PTPRK: variants seen among roughly 807,000 people sequenced by gnomAD.
PTPRK encodes the protein protein tyrosine phosphatase receptor type K, also known as receptor-type tyrosine-protein phosphatase kappa.
PTPRK carries 75 observed loss-of-function variants against 178.0 expected under a neutral mutation model. The ratio of observed to expected loss-of-function variants is 0.42; its 90% CI spans 0.35 to 0.51. PTPRK has a LOEUF of 0.51. Ranked by LOEUF, PTPRK falls within the 20% of genes least tolerant of loss-of-function variation. The probability of loss-of-function intolerance (pLI) is 0.02; values close to 1 mark genes in which losing one functional copy is unlikely to be tolerated. For synonymous variants in PTPRK, 637 were observed against 620.6 expected, an observed-to-expected ratio of 1.03 and a Z score of -0.39; for missense variants, 1,441 against 1,797.8, an observed-to-expected ratio of 0.80 and a Z score of 3.59.
chr6:127,981,542 C>G (rs1007205061), intron 24 of PTPRK, among the ~76,000 whole-genome samples: 1 of 152,162 alleles, frequency 6.6e-6, no homozygotes, highest in Non-Finnish European at 1.5e-5. Context: ...AACACTGCTA[C>G]CTGCAAAATG....
intron 2 of PTPRK, among the ~76,000 whole-genome samples, chr6:128,382,562 C>G (rs886591978): frequency 1.1e-4 from 17 of 151,848 alleles, no homozygotes; most frequent in African/African-American, 3.9e-4. Context: ...CACGCACCAC[C>G]ATGCCTGGCT....
intron 1 of PTPRK, among the ~76,000 whole-genome samples, chr6:128,428,601 T>C (rs79574300): frequency 0.052 from 7,957 of 152,138 alleles, 261 homozygotes; most frequent in Middle Eastern, 0.082. Flanking sequence ...CTGTGGTAAA[T>C]AGTCATTCCA....
At chr6:128,361,431 T>C (rs1304104594) in intron 2 of PTPRK, among the ~76,000 whole-genome samples, 1 of 152,218 alleles carries the variant, frequency 6.6e-6, no homozygotes. Flanking sequence ...CTTTAAATTA[T>C]AAAATGTATA....
chr6:128,468,096 T>A (rs1002632638), intron 1 of PTPRK, among the ~76,000 whole-genome samples: 5 of 152,216 alleles, frequency 3.3e-5, no homozygotes, highest in Non-Finnish European at 1.5e-5. Flanking sequence ...ATCCTGCGTC[T>A]AACATCTCGC....
At chr6:128,186,714 T>A (rs892630491) in intron 6 of PTPRK, among the ~76,000 whole-genome samples, 24 of 152,128 alleles carry the variant, frequency 1.6e-4, no homozygotes, top group Non-Finnish European at 5.9e-5. Context: ...ACCATGAAAT[T>A]TTACCAACTG....
chr6:128,241,096 G>T (rs1027416741), intron 4 of PTPRK: 8 of 387,136 alleles, frequency 2.1e-5, no homozygotes, highest in Admixed American at 1.5e-4. Context: ...CAGATTGAAA[G>T]AACTTAGTAA....
intron 3 of PTPRK, among the ~76,000 whole-genome samples, chr6:128,304,534 T>C (rs907570881): frequency 2.6e-5 from 4 of 152,230 alleles, no homozygotes; most frequent in African/African-American, 9.6e-5. Context: ...ACCCTTTCTG[T>C]GTGTGATATG....
At chr6:128,031,928 C>T (rs948855086) in intron 13 of PTPRK, among the ~76,000 whole-genome samples, 41 of 152,294 alleles carry the variant, frequency 2.7e-4, no homozygotes, top group African/African-American at 9.6e-4. Context: ...TGCACCCTCA[C>T]CCTGTGTCAG....
intron 7 of PTPRK, among the ~76,000 whole-genome samples, chr6:128,117,798 G>A (rs1172220071): frequency 5.3e-5 from 8 of 152,054 alleles, no homozygotes; most frequent in East Asian, 3.9e-4. Flanking sequence ...GATTACAGGC[G>A]CCCACCACCA....
chr6:128,461,059 C>T (rs925370251), intron 1 of PTPRK, among the ~76,000 whole-genome samples: 3 of 152,028 alleles, frequency 2.0e-5, no homozygotes, highest in African/African-American at 7.2e-5. Context: ...TAAAATACTC[C>T]TTTACATTCA....
chr6:128,323,892 C>T (rs746906673), intron 2 of PTPRK, among the ~76,000 whole-genome samples: 8 of 151,750 alleles, frequency 5.3e-5, no homozygotes, highest in African/African-American at 1.9e-4. Flanking sequence ...ATAGAATAAA[C>T]TGTCCGTGTG....
intron 6 of PTPRK, among the ~76,000 whole-genome samples, chr6:128,195,251 G>T (rs1233231212): frequency 6.6e-6 from 1 of 151,816 alleles, no homozygotes; most frequent in East Asian, 1.9e-4. Flanking sequence ...TACTCCCCAG[G>T]TCTAAACACT....
At chr6:128,419,863 C>T (rs1389621767) in intron 1 of PTPRK, among the ~76,000 whole-genome samples, 1 of 152,142 alleles carries the variant, frequency 6.6e-6, no homozygotes, top group Non-Finnish European at 1.5e-5. Context: ...TAAAGTCTTC[C>T]CTCCAAAAAG....
At chr6:128,227,930 G>A (rs1467429724) in intron 5 of PTPRK, among the ~76,000 whole-genome samples, 1 of 151,882 alleles carries the variant, frequency 6.6e-6, no homozygotes, top group Admixed American at 6.6e-5. Flanking sequence ...AGAACACATG[G>A]ACATAGGGAG....
chr6:128,202,796 TG>T (rs1200991275), intron 6 of PTPRK, among the ~76,000 whole-genome samples: 1 of 152,204 alleles, frequency 6.6e-6, no homozygotes, highest in African/African-American at 2.4e-5. Context: ...CAGGATCAGA[TG>T]GATTGACAGC....
chr6:128,165,756 C>T (rs1430798160), intron 7 of PTPRK, among the ~76,000 whole-genome samples: 2 of 151,052 alleles, frequency 1.3e-5, no homozygotes, highest in African/African-American at 4.8e-5. Flanking sequence ...ATCATAAATT[C>T]ATAAGGTACT....
chr6:128,022,671 G>A (rs1027338709), intron 13 of PTPRK, among the ~76,000 whole-genome samples: 5 of 152,166 alleles, frequency 3.3e-5, no homozygotes, highest in Admixed American at 3.3e-4. Flanking sequence ...AGATCAAACA[G>A]CTGGCTGGGG....
intron 3 of PTPRK, among the ~76,000 whole-genome samples, chr6:128,278,132 T>G (rs1202696827): frequency 8.5e-6 from 1 of 117,500 alleles, no homozygotes; most frequent in African/African-American, 3.7e-5. Flanking sequence ...TTTTTATTTA[T>G]TTATTTATTT....
At chr6:128,038,915 G>A (rs1776690483) in intron 13 of PTPRK, among the ~76,000 whole-genome samples, 1 of 152,100 alleles carries the variant, frequency 6.6e-6, no homozygotes, top group South Asian at 2.1e-4. Context: ...ATCACAAAAT[G>A]TTAACCATAT....
Sources: gnomAD v4.1 joint callset for allele counts (sites outside exome capture counted in the v4.1 genomes callset) on GRCh38, gnomAD v4.1.1 for gene constraint, MANE v1.5 for transcripts, NCBI Gene and HGNC (gene_info 2026-07-23, HGNC 2026-07-21) for gene names.